Variants in TOX observed in about 807,000 individuals in gnomAD.
TOX encodes the protein thymocyte selection-associated high mobility group box protein TOX.
Under a neutral mutation model 53.7 loss-of-function variants are expected in TOX, and 11 were observed. The observed-to-expected ratio is 0.20, with a 90% CI of 0.13 to 0.34. TOX has a LOEUF of 0.34. Ranked by LOEUF, TOX falls within the 10% of genes least tolerant of loss-of-function variation. The probability of loss-of-function intolerance (pLI) is 1.00; values close to 1 mark genes in which losing one functional copy is unlikely to be tolerated. For synonymous variants in TOX, 225 were observed against 245.3 expected (o/e 0.92, Z 0.77); for missense variants, 570 against 664.6 (o/e 0.86, Z 1.56).
chr8:58,954,643 ATGAGTTCATGAGAAACTG>A (rs1283328416), intron 2 of TOX, among the ~76,000 whole-genome samples: 2 of 152,236 alleles, frequency 1.3e-5, no homozygotes, highest in Non-Finnish European at 2.9e-5. Context: ...AGAAGGTAAG[ATGAGTTCATGAGAAACTG>A]TGAGTCCTAT....
chr8:58,992,009 T>C (rs1223936657), intron 1 of TOX: 2 of 152,234 alleles, frequency 1.3e-5, no homozygotes, highest in Non-Finnish European at 2.9e-5. Context: ...TAGTTTTACC[T>C]GGCAGGCAGT....
chr8:58,986,656 T>C (rs1213612685), intron 1 of TOX, among the ~76,000 whole-genome samples: 1 of 152,176 alleles, frequency 6.6e-6, no homozygotes, highest in East Asian at 1.9e-4. Flanking sequence ...TAATTCAGTG[T>C]TTTAGGATTA....
intron 1 of TOX, among the ~76,000 whole-genome samples, chr8:58,994,852 C>G (rs116976472): frequency 0.018 from 2,718 of 152,244 alleles, 36 homozygotes; most frequent in Non-Finnish European, 0.027. Flanking sequence ...GCTCTGAAGA[C>G]TCGAAATGCT....
At chr8:59,074,748 G>A (rs1804262819) in intron 1 of TOX, among the ~76,000 whole-genome samples, 1 of 152,150 alleles carries the variant, frequency 6.6e-6, no homozygotes, top group South Asian at 2.1e-4. Context: ...AAAAATTTGA[G>A]TATAGCTTGA....
At chr8:58,971,732 A>C (rs1229133000) in intron 1 of TOX, among the ~76,000 whole-genome samples, 1 of 152,014 alleles carries the variant, frequency 6.6e-6, no homozygotes, top group Non-Finnish European at 1.5e-5. Flanking sequence ...TCTGTCACCT[A>C]GGCTGGAGTA....
At chr8:58,893,582 G>C (rs925036871) in intron 3 of TOX, among the ~76,000 whole-genome samples, 1 of 152,026 alleles carries the variant, frequency 6.6e-6, no homozygotes, top group African/African-American at 2.4e-5. Flanking sequence ...TATATTTTTG[G>C]CAGAGTTAAT....
chr8:58,972,766 CATT>C (rs1019169191), intron 1 of TOX, among the ~76,000 whole-genome samples: 4 of 152,140 alleles, frequency 2.6e-5, no homozygotes, highest in Non-Finnish European at 5.9e-5. Flanking sequence ...TCAAAAATTA[CATT>C]ATTAATAACT....
In TOX at chr8:58,998,538, TAA is replaced by T. The variant is rs1347102163; in HGVS notation, c.103-38532_103-38531del. 1.5e-3 allele frequency among the ~76,000 whole-genome samples: 192 copies of T among 131,168 alleles called. 1 individual carries two copies. Among genetic ancestry groups the T allele is most frequent in the African/African-American group, 5.4e-3 (179 of 33,206 alleles). The allele number at this position is 131,168 out of a possible 152,430, so 86.1% of individuals were successfully genotyped here. A position where few individuals can be genotyped will look rare whatever the true frequency, so the allele number is the denominator to read the frequency against. The stretch of plus-strand genomic sequence containing the variant: ...ATATATATATATATATATATATATA[TAA>T]ATTTATATATAATAAATTTATGTAA... On this transcript the variant is annotated intron_variant, in intron 1 of 8. Coordinates refer to ENST00000361421, the MANE Select transcript of TOX (RefSeq NM_014729.3).
chr8:58,808,383 C>T, intron 7 of TOX, 114 bp from the exon 8 acceptor site: 1 of 1,348,932 alleles, frequency 7.4e-7, no homozygotes, highest in Non-Finnish European at 9.8e-7. Context: ...TCTGTCTCTG[C>T]AAGGGCAAGC....
At chr8:58,983,066 T>C (rs1017639710) in intron 1 of TOX, among the ~76,000 whole-genome samples, 6 of 152,220 alleles carry the variant, frequency 3.9e-5, no homozygotes, top group Admixed American at 1.3e-4. Flanking sequence ...GTGGTATTTA[T>C]CCCTCCTTTG....
chr8:58,897,190 C>T (rs537445638), intron 3 of TOX, among the ~76,000 whole-genome samples: 59 of 152,216 alleles, frequency 3.9e-4, no homozygotes, highest in Non-Finnish European at 6.6e-4. Flanking sequence ...ATAAAAATGC[C>T]CTGCCTTTCC....
intron 3 of TOX, among the ~76,000 whole-genome samples, chr8:58,927,251 A>G (rs1444413804): frequency 1.3e-5 from 2 of 152,184 alleles, no homozygotes; most frequent in Non-Finnish European, 2.9e-5. Context: ...AGAGGGCAGA[A>G]CTGTGAATGC....
chr8:58,918,831 T>G (rs1380189619), intron 3 of TOX, among the ~76,000 whole-genome samples: 2 of 144,134 alleles, frequency 1.4e-5, no homozygotes, highest in African/African-American at 5.3e-5. Context: ...AAAATCTCCT[T>G]AAGCTGATAA....
chr8:58,962,211 C>G (rs1465217899), intron 1 of TOX, among the ~76,000 whole-genome samples: 2 of 152,158 alleles, frequency 1.3e-5, no homozygotes, highest in African/African-American at 4.8e-5. Context: ...TGTTACTGCT[C>G]TTGATGAAGT....
chr8:58,861,953 A>G (rs559459811), intron 3 of TOX, among the ~76,000 whole-genome samples: 1 of 152,190 alleles, frequency 6.6e-6, no homozygotes, highest in Non-Finnish European at 1.5e-5. Context: ...CATCTTAAGA[A>G]GCAAAATTAA....
At chr8:58,889,914 C>T (rs1035146236) in intron 3 of TOX, among the ~76,000 whole-genome samples, 8 of 152,124 alleles carry the variant, frequency 5.3e-5, no homozygotes, top group Admixed American at 6.6e-5. Context: ...ACAAAGTTTC[C>T]AATTTAAAAA....
chr8:58,978,557 C>T (rs539292785), intron 1 of TOX, among the ~76,000 whole-genome samples: 1 of 152,284 alleles, frequency 6.6e-6, no homozygotes, highest in Admixed American at 6.5e-5. Flanking sequence ...TTCATTTTTA[C>T]AATAGCATAT....
intron 3 of TOX, among the ~76,000 whole-genome samples, chr8:58,911,147 TC>T (rs1336638343): frequency 6.6e-6 from 1 of 152,152 alleles, no homozygotes; most frequent in Admixed American, 6.5e-5. Context: ...GTCTTCCAAA[TC>T]CCCTTGGGAG....
chr8:58,824,878 A>G (rs1256677658), intron 6 of TOX, among the ~76,000 whole-genome samples: 1 of 152,150 alleles, frequency 6.6e-6, no homozygotes, highest in Non-Finnish European at 1.5e-5. Flanking sequence ...GGGGGTGGGG[A>G]AAAAATAGAG....
Sources: gnomAD v4.1 joint callset for allele counts (sites outside exome capture counted in the v4.1 genomes callset) on GRCh38, gnomAD v4.1.1 for gene constraint, MANE v1.5 for transcripts, NCBI Gene and HGNC (gene_info 2026-07-23, HGNC 2026-07-21) for gene names.